The following CRTAP variants were observed in gnomAD, a reference collection of about 807,000 sequenced individuals.
CRTAP encodes the protein cartilage associated protein.
In CRTAP, 33 loss-of-function variants were observed where a neutral mutation model predicts 42.7. The observed-to-expected ratio is 0.77, with a 90% CI of 0.59 to 1.03. The LOEUF is 1.03. Among genes scored for constraint, CRTAP ranks in the 50% least tolerant of loss-of-function variants. CRTAP has a pLI of 0.00. For missense variants in CRTAP, 613 were observed against 533.9 expected (o/e 1.15, Z -1.46); for synonymous variants, 243 against 217.7 (o/e 1.12, Z -1.02).
At chr3:33,139,342 T>C (rs891977855) in intron 6 of CRTAP, among the ~76,000 whole-genome samples, 1 of 152,138 alleles carries the variant, frequency 6.6e-6, no homozygotes, top group Non-Finnish European at 1.5e-5. Context: ...AACATCCTTG[T>C]CTTGTTCCCA....
At position 33,114,502 on chromosome 3, in the gene CRTAP, TC is replaced by T; in HGVS notation, c.427del (p.Gln143SerfsTer31). The T allele has an allele frequency of 6.2e-7, 1 of 1,604,030 alleles. No homozygotes were observed. On this transcript the variant is annotated frameshift_variant, in exon 1 of 7. Coordinates refer to ENST00000320954, the MANE Select transcript of CRTAP (RefSeq NM_006371.5). LOFTEE classifies it high-confidence loss of function. ...SQPSREVLAD[F>X]QRREPYKFLQ... is the part of the protein sequence containing the mutation. ...CCCAGCCGCGAGGTGCTGGCGGACT[TC>T]CAGCGCCGCGAGCCCTACAAGTTCC...
chr3:33,132,833 A>G, intron 5 of CRTAP, 133 bp downstream of exon 5: 1 of 1,082,212 alleles, frequency 9.2e-7, no homozygotes. Flanking sequence ...TAATCCCAGC[A>G]CTTTGGGAGG....
intron 1 of CRTAP, among the ~76,000 whole-genome samples, chr3:33,117,836 G>A (rs773008431): frequency 1.2e-4 from 19 of 152,232 alleles, no homozygotes; most frequent in Non-Finnish European, 2.8e-4. Flanking sequence ...TCCAGCTGCA[G>A]AGCCTGAGTT....
chr3:33,142,409 A>C lies in CRTAP; in HGVS notation c.1167A>C (p.Glu389Asp), dbSNP rs1307671486. The change falls in exon 7 of 7, where the codon GAA becomes GAC. Residue 389 changes from glutamate to aspartate, a missense_variant. Coordinates refer to ENST00000320954, the MANE Select transcript of CRTAP (RefSeq NM_006371.5). ...IMDDDEGEVV[E>D]YVDDLLELEE... ...GTCTCTTACAGGGAGAAGTTGTGGA[A>C]TATGTGGATGACCTCTTGGAACTGG... The C allele has an allele frequency of 4.3e-6, 7 of 1,614,102 alleles. No individual in the cohort carries two copies. The highest frequency in any genetic ancestry group is 4.5e-5 in the East Asian group (2 of 44,882).
In CRTAP at chr3:33,133,542, C is replaced by T. The variant is rs375225544; in HGVS notation, c.1069-640C>T. Among the ~76,000 whole-genome samples the T allele has an allele frequency of 4.6e-5, 7 of 152,192 alleles. No individual in the cohort carries two copies. The East Asian group carries it at 1.2e-3, about 25-fold the overall frequency. Reference sequence around the variant, plus strand: ...TGGGATTTACAGGCATGAGCCACTGCGCCCAGCCTGTGCCATCTCTTTATC... The same window carrying T: ...TGGGATTTACAGGCATGAGCCACTGTGCCCAGCCTGTGCCATCTCTTTATC... On this transcript the variant is annotated intron_variant, in intron 5 of 6. Coordinates refer to ENST00000320954, the MANE Select transcript of CRTAP (RefSeq NM_006371.5).
Position 33,124,484 on chromosome 3 carries a change from T to C in CRTAP, c.698T>C (p.Leu233Pro). The change falls in exon 3 of 7, where the codon CTT becomes CCT. Residue 233 changes from leucine (L) to proline (P), a missense_variant. Coordinates refer to ENST00000320954, the MANE Select transcript of CRTAP (RefSeq NM_006371.5). ...RTSITDMELA[L>P]PDFFKAFYEC... ...TCCATCACAGACATGGAGCTGGCCC[T>C]TCCCGACTTCTTCAAAGCCTTTTAC... 1 of 1,614,226 alleles carries C rather than the reference T, an allele frequency of 6.2e-7. No homozygotes were observed. The highest frequency in any genetic ancestry group is 8.5e-7 in the Non-Finnish European group (1 of 1,180,024).
At chr3:33,131,745 T>A (rs1289986307) in intron 4 of CRTAP, among the ~76,000 whole-genome samples, 1 of 152,140 alleles carries the variant, frequency 6.6e-6, no homozygotes, top group Non-Finnish European at 1.5e-5. Context: ...GAAGAGTAAA[T>A]GTCCCTAAGA....
intron 6 of CRTAP, among the ~76,000 whole-genome samples, chr3:33,139,990 T>A (rs73826231): frequency 0.027 from 4,082 of 152,334 alleles, 157 homozygotes; most frequent in African/African-American, 0.09. Flanking sequence ...ACAAATAGCA[T>A]AGCAGGGACT....
intron 6 of CRTAP, among the ~76,000 whole-genome samples, chr3:33,135,241 A>G (rs897800931): frequency 3.3e-5 from 5 of 152,190 alleles, no homozygotes; most frequent in African/African-American, 1.2e-4. Flanking sequence ...AGAGCCTGAG[A>G]CAGGATCCCA....
intron 5 of CRTAP, among the ~76,000 whole-genome samples, chr3:33,133,433 A>T (rs766719809): frequency 6.6e-6 from 1 of 151,876 alleles, no homozygotes; most frequent in South Asian, 2.1e-4. Flanking sequence ...TAATTTTTGT[A>T]GTTTTAGTAG....
intron 3 of CRTAP, among the ~76,000 whole-genome samples, chr3:33,129,417 A>G (rs932481888): frequency 6.6e-6 from 1 of 151,904 alleles, no homozygotes; most frequent in Non-Finnish European, 1.5e-5. Context: ...AATAATTTCT[A>G]TTAATATCAT....
At chr3:33,123,776 T>G (rs2029973157) in intron 2 of CRTAP, among the ~76,000 whole-genome samples, 1 of 151,962 alleles carries the variant, frequency 6.6e-6, no homozygotes, top group Non-Finnish European at 1.5e-5. Context: ...ACTACAAGCA[T>G]GTGACTACAC....
intron 3 of CRTAP, among the ~76,000 whole-genome samples, chr3:33,125,011 A>G (rs1264033241): frequency 1.3e-5 from 2 of 152,250 alleles, no homozygotes; most frequent in Non-Finnish European, 2.9e-5. Flanking sequence ...TGATTATAAA[A>G]CAATGTGTGC....
Position 33,114,255 on chromosome 3 carries a change from TG to T in CRTAP, c.181del (p.Ala61ProfsTer113). Reference sequence around the variant, plus strand: ...GCTGGACAAGTACAGCGGCGAGCACTGGGCCGAGAGCGTGGGCTACCTGGAG... The same window carrying T: ...GCTGGACAAGTACAGCGGCGAGCACTGGCCGAGAGCGTGGGCTACCTGGAG... ...HALDKYSGEH[W>X]AESVGYLEIS... On this transcript the variant is annotated frameshift_variant, in exon 1 of 7. Transcript: ENST00000320954. LOFTEE classifies it high-confidence loss of function. 6.3e-7 allele frequency: 1 copy of T among 1,586,974 alleles called. No individual in the cohort carries two copies.
At chr3:33,132,391 C>A (rs1198942157) in intron 4 of CRTAP, among the ~76,000 whole-genome samples, 164 bp from the exon 5 acceptor site, 1 of 152,332 alleles carries the variant, frequency 6.6e-6, no homozygotes, top group East Asian at 1.9e-4. Context: ...GCCGTGGAGA[C>A]CCCATCTGTG....
At chr3:33,127,056 C>G (rs1476286778) in intron 3 of CRTAP, among the ~76,000 whole-genome samples, 1 of 150,510 alleles carries the variant, frequency 6.6e-6, no homozygotes, top group Non-Finnish European at 1.5e-5. Flanking sequence ...GTCCTTTGTC[C>G]ACAAAAACTT....
chr3:33,134,146 T>G, intron 5 of CRTAP, 36 bp from the exon 6 acceptor site: 1 of 1,403,712 alleles, frequency 7.1e-7, no homozygotes, highest in Non-Finnish European at 1.0e-6. Flanking sequence ...ATGAAAAGGT[T>G]GGTCCTATAA....
At chr3:33,135,161 G>T (rs931155681) in intron 6 of CRTAP, among the ~76,000 whole-genome samples, 1 of 152,212 alleles carries the variant, frequency 6.6e-6, no homozygotes, top group Non-Finnish European at 1.5e-5. Context: ...ATACTGTGTT[G>T]CATGTGGAAA....
At chr3:33,115,517 G>C (rs1701332752) in intron 1 of CRTAP, among the ~76,000 whole-genome samples, 1 of 152,084 alleles carries the variant, frequency 6.6e-6, no homozygotes, top group Non-Finnish European at 1.5e-5. Context: ...CAAGTTTTAA[G>C]AATGGTTAGA....
Sources: allele counts gnomAD v4.1 joint callset (sites outside exome capture counted in the v4.1 genomes callset), GRCh38; gene constraint gnomAD v4.1.1; transcripts MANE v1.5; gene names NCBI Gene and HGNC (gene_info 2026-07-23, HGNC 2026-07-21).